Variants in NCOR1 observed in about 807,000 individuals in gnomAD.
NCOR1 encodes nuclear receptor corepressor 1.
In NCOR1, 63 loss-of-function variants were observed where a neutral mutation model predicts 288.1. The ratio of observed to expected loss-of-function variants is 0.22; its 90% CI spans 0.18 to 0.27. The LOEUF is 0.27. Among genes scored for constraint, NCOR1 ranks in the 10% least tolerant of loss-of-function variants. The probability of loss-of-function intolerance (pLI) is 1.00; values close to 1 mark genes in which losing one functional copy is unlikely to be tolerated. For missense variants in NCOR1, 2,397 were observed against 3,019.2 expected, an observed-to-expected ratio of 0.79 and a Z score of 4.83; for synonymous variants, 1,007 against 1,065.9, an observed-to-expected ratio of 0.94 and a Z score of 1.08.
intron 42 of NCOR1, among the ~76,000 whole-genome samples, chr17:16,045,572 A>C (rs1392830432): frequency 6.6e-6 from 1 of 152,136 alleles, no homozygotes; most frequent in Non-Finnish European, 1.5e-5. Context: ...GCAGTGGCAC[A>C]ATCTTGGCTC....
intron 19 of NCOR1, chr17:16,108,220 T>C (rs1467550700): frequency 6.8e-6 from 2 of 292,580 alleles, no homozygotes; most frequent in East Asian, 8.7e-5. Context: ...TTAATCAGAG[T>C]GTAAACTGAA....
chr17:16,193,930 T>A (rs536006506), intron 2 of NCOR1, among the ~76,000 whole-genome samples: 1 of 152,002 alleles, frequency 6.6e-6, no homozygotes, highest in East Asian at 1.9e-4. Flanking sequence ...ACCCATAACC[T>A]TGGTCTACTC....
chr17:16,088,423 G>A (rs1053337305), intron 22 of NCOR1, among the ~76,000 whole-genome samples: 6 of 152,122 alleles, frequency 3.9e-5, no homozygotes, highest in African/African-American at 1.4e-4. Context: ...ATACAGGAAA[G>A]ATGCGGATTT....
rs922707555 is a variant in NCOR1 at position 16,121,288 on chromosome 17, G to T, written c.1635-19C>A. ...ATTTTCTCTGGACACAAAAGCAAAT[G>T]AAAACTTGTGTGATTCCAAAGTATA... On this transcript the variant is annotated intron_variant, in intron 15 of 45. Transcript: ENST00000268712. 3.7e-6 allele frequency: 6 copies of T among 1,601,170 alleles called. No individual in the cohort carries two copies. The highest frequency in any genetic ancestry group is 5.1e-6 in the Non-Finnish European group (6 of 1,172,294).
At chr17:16,136,185 T>C (rs2076367801) in intron 14 of NCOR1, among the ~76,000 whole-genome samples, 2 of 152,186 alleles carry the variant, frequency 1.3e-5, no homozygotes, top group African/African-American at 2.4e-5. Flanking sequence ...TTAGTAAAAG[T>C]GCCTTTTTTA....
In NCOR1 at chr17:16,150,809, T is replaced by C. The variant is rs576782709; in HGVS notation, c.842+1137A>G. Among the ~76,000 whole-genome samples the C allele has an allele frequency of 3.3e-5, 5 of 152,308 alleles. No homozygotes were observed. In the South Asian group the frequency reaches 1.0e-3, roughly 32 times the overall value. The stretch of plus-strand genomic sequence containing the variant: ...CAGTTCCAAAGCAAGGTATATTATA[T>C]GTGAGTTTTGACTAACTTACTTCTA... On this transcript the variant is annotated intron_variant, in intron 8 of 45. Coordinates refer to ENST00000268712, the MANE Select transcript of NCOR1 (RefSeq NM_006311.4).
At chr17:16,192,898 G>C (rs757414187) in intron 2 of NCOR1, among the ~76,000 whole-genome samples, 8 of 152,166 alleles carry the variant, frequency 5.3e-5, no homozygotes, top group Non-Finnish European at 5.9e-5. Context: ...GACATGGATA[G>C]ATCACAGAAG....
At chr17:16,067,810 T>C (rs933526383) in intron 32 of NCOR1, 84 bp downstream of exon 32, 2 of 1,261,384 alleles carry the variant, frequency 1.6e-6, no homozygotes, top group African/African-American at 1.5e-5. Context: ...GCAATTGTAC[T>C]ATATTGTACA....
At chr17:16,054,949 A>G (rs910898041) in intron 40 of NCOR1, among the ~76,000 whole-genome samples, 1 of 152,150 alleles carries the variant, frequency 6.6e-6, no homozygotes, top group Non-Finnish European at 1.5e-5. Context: ...ACAAAAAAAG[A>G]GTAAGTGCCA....
intron 26 of NCOR1, 40 bp from the exon 27 acceptor site, chr17:16,075,742 G>A (rs762581198): frequency 1.2e-5 from 20 of 1,605,006 alleles, no homozygotes; most frequent in Admixed American, 1.2e-4. Flanking sequence ...GGAGTCACTC[G>A]AGTTTAGGGA....
rs2152974880 is a variant in NCOR1 at position 16,098,437 on chromosome 17, G to A, written c.2750C>T (p.Ser917Leu). 6.2e-7 allele frequency: 1 copy of A among 1,613,956 alleles called. No homozygotes were observed. Among genetic ancestry groups the A allele is most frequent in the Non-Finnish European group, 8.5e-7 (1 of 1,179,866 alleles). The change falls in exon 21 of 46, where the codon TCA becomes TTA. Residue 917 changes from serine to leucine, a missense_variant. Physicochemically the swap from Ser to Leu is moderately radical, Grantham distance 145. Transcript: ENST00000268712. ...CAGTGGATTTGGTTTTAACGGAGAT[G>A]AGACGAGTATAGATCCAGTGGGGTT... ...LLNPTGSILVSSPLKPNPLDL... is the reference protein window; with the variant it reads ...LLNPTGSILVLSPLKPNPLDL...
chr17:16,070,092 A>G (rs2061570077), intron 31 of NCOR1, 73 bp downstream of exon 31: 12 of 1,475,060 alleles, frequency 8.1e-6, no homozygotes, highest in Non-Finnish European at 1.1e-5. Flanking sequence ...GATATTTACT[A>G]CTTGACAAAG....
chr17:16,154,222 A>C (rs1352198259), intron 6 of NCOR1, among the ~76,000 whole-genome samples: 1 of 152,010 alleles, frequency 6.6e-6, no homozygotes, highest in Non-Finnish European at 1.5e-5. Context: ...AATCCAGACC[A>C]AAGTGTTACC....
At chr17:16,109,010 C>T in intron 18 of NCOR1, 98 bp from the exon 19 acceptor site, 1 of 917,388 alleles carries the variant, frequency 1.1e-6, no homozygotes, top group Non-Finnish European at 1.5e-6. Context: ...CACACACACA[C>T]CAGACAAGGA....
At chr17:16,124,696 T>C (rs2073683050) in intron 15 of NCOR1, among the ~76,000 whole-genome samples, 1 of 152,238 alleles carries the variant, frequency 6.6e-6, no homozygotes, top group South Asian at 2.1e-4. Context: ...ATTTTTCTTT[T>C]CCTGTTTTTC....
Position 16,065,708 on chromosome 17 carries a change from T to C in NCOR1, c.4742-14A>G. ...AAGCAGCCGCTGCTGATTGAGAGAATGAAAGAAAGGCACTGAGTTTTGTCC... is the reference window on the plus strand; with the variant it reads ...AAGCAGCCGCTGCTGATTGAGAGAACGAAAGAAAGGCACTGAGTTTTGTCC... On this transcript the variant is annotated splice_polypyrimidine_tract_variant and intron_variant, in intron 32 of 45. Coordinates refer to ENST00000268712, the MANE Select transcript of NCOR1 (RefSeq NM_006311.4). 1 of 1,612,756 alleles carries C rather than the reference T, an allele frequency of 6.2e-7. No homozygotes were observed. Among genetic ancestry groups the C allele is most frequent in the Non-Finnish European group, 8.5e-7 (1 of 1,178,794 alleles).
chr17:16,080,086 A>G (rs1567883798), intron 25 of NCOR1, 22 bp from the exon 26 acceptor site: 3 of 1,592,814 alleles, frequency 1.9e-6, no homozygotes, highest in East Asian at 4.5e-5. Context: ...CAAAGCTATT[A>G]GCAAATTACA....
chr17:16,142,757 G>A (rs2077332649), intron 11 of NCOR1, among the ~76,000 whole-genome samples: 1 of 152,138 alleles, frequency 6.6e-6, no homozygotes. Flanking sequence ...TTTTGGGAAA[G>A]TGAGTGAGGA....
rs981613036 is a variant in NCOR1, at chr17:16,127,461, A to G, written c.1510-1255T>C. Among the ~76,000 whole-genome samples the G allele has an allele frequency of 1.4e-5, 2 of 146,982 alleles. 1 individual carries two copies. Among genetic ancestry groups the G allele is most frequent in the African/African-American group, 5.0e-5 (2 of 40,236 alleles). On this transcript the variant is annotated intron_variant, in intron 14 of 45. Coordinates refer to ENST00000268712, the MANE Select transcript of NCOR1 (RefSeq NM_006311.4). ...TGTATATATGTGTATATGTATATAT[A>G]CGTGTATGTGTATATATACACGTGT... is the stretch of plus-strand genomic sequence containing the variant.
Sources: allele counts gnomAD v4.1 joint callset (sites outside exome capture counted in the v4.1 genomes callset), GRCh38; gene constraint gnomAD v4.1.1; transcripts MANE v1.5; gene names NCBI Gene and HGNC (gene_info 2026-07-23, HGNC 2026-07-21).